The following ZBTB8A variants were observed in gnomAD, a reference collection of about 807,000 sequenced individuals.
ZBTB8A encodes the protein zinc finger and BTB domain containing 8A.
Under a neutral mutation model 37.8 loss-of-function variants are expected in ZBTB8A, and 19 were observed. The ratio of observed to expected loss-of-function variants is 0.50; its 90% CI spans 0.35 to 0.74. The LOEUF (loss-of-function observed/expected upper bound fraction) is 0.74. ZBTB8A is among the 30% of genes least tolerant of loss of function. The probability of loss-of-function intolerance (pLI) is 0.01; values close to 1 mark genes in which losing one functional copy is unlikely to be tolerated. For missense variants in ZBTB8A, 394 were observed against 537.8 expected (o/e 0.73, Z 2.65); for synonymous variants, 181 against 185.2 (o/e 0.98, Z 0.19).
chr1:32,563,806 G>C (rs771110328), intron 2 of ZBTB8A, among the ~76,000 whole-genome samples: 3 of 152,016 alleles, frequency 2.0e-5, no homozygotes, highest in Non-Finnish European at 4.4e-5. Context: ...TTTTAGACAG[G>C]CTCTTCTTCC....
At chr1:32,574,174 A>G (rs12145456) in intron 2 of ZBTB8A, among the ~76,000 whole-genome samples, 18,232 of 152,170 alleles carry the variant, frequency 0.12, 1,170 homozygotes, top group African/African-American at 0.19. Flanking sequence ...TGTGTAGAGT[A>G]TTCTATAAAT....
chr1:32,592,154 T>C (rs1324341937), intron 2 of ZBTB8A, among the ~76,000 whole-genome samples: 1 of 152,208 alleles, frequency 6.6e-6, no homozygotes, highest in East Asian at 1.9e-4. Flanking sequence ...AACAGTCTAG[T>C]ATTAAGTGAT....
chr1:32,565,737 A>G (rs1644273597), intron 2 of ZBTB8A, among the ~76,000 whole-genome samples: 1 of 152,100 alleles, frequency 6.6e-6, no homozygotes, highest in Admixed American at 6.6e-5. Flanking sequence ...ATTTTGGTCC[A>G]TTTCCTTTTT....
intron 2 of ZBTB8A, among the ~76,000 whole-genome samples, chr1:32,563,443 CCTT>C (rs1290403197): frequency 2.6e-5 from 4 of 152,068 alleles, no homozygotes; most frequent in Non-Finnish European, 5.9e-5. Context: ...AGGGCTGACA[CCTT>C]CTTTTTCTTT....
chr1:32,585,958 G>A (rs1448477368), intron 2 of ZBTB8A, among the ~76,000 whole-genome samples: 5 of 150,160 alleles, frequency 3.3e-5, no homozygotes, highest in East Asian at 2.0e-4. Context: ...AGCCAAGATC[G>A]CGCCATTGCA....
intron 2 of ZBTB8A, among the ~76,000 whole-genome samples, chr1:32,591,335 C>A (rs1388023297): frequency 2.0e-5 from 3 of 151,204 alleles, no homozygotes; most frequent in Non-Finnish European, 4.4e-5. Context: ...TTCAGCCTCC[C>A]AAGGAGCTAG....
intron 1 of ZBTB8A, among the ~76,000 whole-genome samples, chr1:32,553,082 CGAA>C (rs1303712341): frequency 6.8e-6 from 1 of 147,994 alleles, no homozygotes; most frequent in African/African-American, 2.5e-5. Context: ...TTTTTTGAGA[CGAA>C]GTCTTGCTCT....
chr1:32,548,128 G>A (rs1163600037), intron 1 of ZBTB8A, among the ~76,000 whole-genome samples: 1 of 114,160 alleles, frequency 8.8e-6, no homozygotes, highest in Non-Finnish European at 1.7e-5. Flanking sequence ...GCTAGACTCC[G>A]TCTCAAATTA....
intron 2 of ZBTB8A, among the ~76,000 whole-genome samples, chr1:32,575,202 G>A (rs993883260): frequency 2.9e-5 from 3 of 103,800 alleles, no homozygotes; most frequent in East Asian, 2.6e-4. Context: ...AATGTCTTTT[G>A]TTCTTTTTGT....
chr1:32,597,153 C>A (rs1328117302), intron 4 of ZBTB8A, among the ~76,000 whole-genome samples: 1 of 151,912 alleles, frequency 6.6e-6, no homozygotes, highest in African/African-American at 2.4e-5. Flanking sequence ...ACTACAGGTG[C>A]CCACCTAGTT....
In ZBTB8A at chr1:32,601,934, A is replaced by G. The variant is rs1041650690; in HGVS notation, c.*1515A>G. ...ATATGTAAATTTAAAGTATAAAACT[A>G]TTTGAACAAATTATTCACTTAAATA... On this transcript the variant is annotated 3_prime_UTR_variant, in exon 5 of 5. Coordinates refer to ENST00000373510, the MANE Select transcript of ZBTB8A (RefSeq NM_001040441.3). 1.7e-5 allele frequency: 6 copies of G among 348,694 alleles called. No homozygotes were observed. Among genetic ancestry groups the G allele is most frequent in the African/African-American group, 1.3e-4 (6 of 47,734 alleles). The allele number at this position is 348,694 out of a possible 1,614,324, so 21.6% of individuals were successfully genotyped here.
chr1:32,595,773 C>T (rs1254185841), intron 4 of ZBTB8A, among the ~76,000 whole-genome samples: 1 of 152,066 alleles, frequency 6.6e-6, no homozygotes, highest in Non-Finnish European at 1.5e-5. Context: ...CCTCAGCCTC[C>T]TGAGTAGCTG....
In ZBTB8A at chr1:32,572,069, A is replaced by G. The variant is rs80351580; in HGVS notation, c.-2+18529A>G. On this transcript the variant is annotated intron_variant, in intron 2 of 4. Transcript: ENST00000373510. Reference sequence around the variant, plus strand: ...CAGGTGCACACCACCACGCCCAGCTAATTTAGGATTTTTGTGTCCATGTTT... The same window carrying G: ...CAGGTGCACACCACCACGCCCAGCTGATTTAGGATTTTTGTGTCCATGTTT... Among the ~76,000 whole-genome samples the G allele has an allele frequency of 4.6e-3, 694 of 152,112 alleles. 9 individuals are homozygous for G. Among genetic ancestry groups the G allele is most frequent in the East Asian group, 0.044 (225 of 5,166 alleles).
At chr1:32,599,507 A>G (rs1404762898) in intron 4 of ZBTB8A, among the ~76,000 whole-genome samples, 1 of 152,156 alleles carries the variant, frequency 6.6e-6, no homozygotes, top group Non-Finnish European at 1.5e-5. Context: ...TGACGAGGTC[A>G]GGAGTTTGAG....
chr1:32,594,871 T>C (rs1644517616), intron 3 of ZBTB8A, among the ~76,000 whole-genome samples, 183 bp from the exon 4 acceptor site: 1 of 152,242 alleles, frequency 6.6e-6, no homozygotes, highest in Non-Finnish European at 1.5e-5. Flanking sequence ...CAATCTAGTC[T>C]TAATAAAATT....
intron 2 of ZBTB8A, among the ~76,000 whole-genome samples, chr1:32,570,668 T>C: frequency 6.6e-6 from 1 of 152,204 alleles, no homozygotes; most frequent in East Asian, 1.9e-4. Context: ...CTCTTACGAA[T>C]GCATTGTTTA....
At chr1:32,578,913 A>G (rs576002433) in intron 2 of ZBTB8A, among the ~76,000 whole-genome samples, 1 of 152,152 alleles carries the variant, frequency 6.6e-6, no homozygotes, top group East Asian at 1.9e-4. Flanking sequence ...GGACACTATA[A>G]ATATATATTT....
intron 4 of ZBTB8A, among the ~76,000 whole-genome samples, chr1:32,597,902 C>T (rs760385935): frequency 4.0e-5 from 6 of 150,552 alleles, no homozygotes; most frequent in South Asian, 4.2e-4. Flanking sequence ...AGCACATATC[C>T]GGCTAATTTT....
At chr1:32,581,053 A>C (rs911338341) in intron 2 of ZBTB8A, among the ~76,000 whole-genome samples, 4 of 137,492 alleles carry the variant, frequency 2.9e-5, no homozygotes, top group Non-Finnish European at 6.1e-5. Flanking sequence ...TTGTAGGGAC[A>C]TTAAAACCAT....
Sources: gnomAD v4.1 joint callset for allele counts (sites outside exome capture counted in the v4.1 genomes callset) on GRCh38, gnomAD v4.1.1 for gene constraint, MANE v1.5 for transcripts, NCBI Gene and HGNC (gene_info 2026-07-23, HGNC 2026-07-21) for gene names.